ADAMTS19: variants seen among roughly 807,000 people sequenced by gnomAD.
ADAMTS19 encodes A disintegrin and metalloproteinase with thrombospondin motifs 19.
Under a neutral mutation model 153.3 loss-of-function variants are expected in ADAMTS19, and 93 were observed. That is an observed-to-expected ratio of 0.61 (90% CI 0.51 to 0.72). The LOEUF is 0.72. ADAMTS19 is among the 30% of genes least tolerant of loss of function. The probability of loss-of-function intolerance (pLI) is 0.00; values close to 1 mark genes in which losing one functional copy is unlikely to be tolerated. For synonymous variants in ADAMTS19, 600 were observed against 556.6 expected, an observed-to-expected ratio of 1.08 and a Z score of -1.10; for missense variants, 1,482 against 1,552.1, an observed-to-expected ratio of 0.95 and a Z score of 0.76.
At chr5:129,662,492 T>A (rs2127075322) in intron 15 of ADAMTS19, among the ~76,000 whole-genome samples, 1 of 152,316 alleles carries the variant, frequency 6.6e-6, no homozygotes, top group African/African-American at 2.4e-5. Context: ...CTTTAAGCCA[T>A]CCCAACTCAA....
intron 10 of ADAMTS19, among the ~76,000 whole-genome samples, chr5:129,632,426 T>G (rs183138171): frequency 1.1e-3 from 170 of 152,124 alleles, no homozygotes; most frequent in African/African-American, 3.8e-3. Context: ...ACATTTTACT[T>G]AATATACATT....
rs1350869095 is a variant in ADAMTS19 at position 129,608,858 on chromosome 5, A to AG, written c.1479-11760_1479-11759insG. ...CAAGACTCTGTCTCAAAAAAAAAAG[A>AG]AAAAAAAAAAGAGAAGAAAAGAACT... On this transcript the variant is annotated intron_variant, in intron 8 of 22. Coordinates refer to ENST00000274487, the MANE Select transcript of ADAMTS19 (RefSeq NM_133638.6). Among the ~76,000 whole-genome samples the AG allele has an allele frequency of 1.7e-4, 25 of 144,054 alleles. 1 individual carries two copies. Among genetic ancestry groups the AG allele is most frequent in the Admixed American group, 8.2e-4 (12 of 14,596 alleles). 94.5% of individuals were successfully genotyped at this position (144,054 alleles called of 152,430 possible).
chr5:129,484,541 A>G (rs909411374), intron 2 of ADAMTS19, among the ~76,000 whole-genome samples: 4 of 152,212 alleles, frequency 2.6e-5, no homozygotes, highest in African/African-American at 9.6e-5. Flanking sequence ...TGCCTTTTAA[A>G]ATTCAAATCA....
At chr5:129,575,164 C>A (rs997508885) in intron 7 of ADAMTS19, among the ~76,000 whole-genome samples, 1 of 151,882 alleles carries the variant, frequency 6.6e-6, no homozygotes, top group African/African-American at 2.4e-5. Context: ...TGAAGAATAA[C>A]AAAATGATTA....
intron 7 of ADAMTS19, among the ~76,000 whole-genome samples, chr5:129,570,174 CCT>C (rs1753847689): frequency 6.6e-6 from 1 of 151,786 alleles, no homozygotes; most frequent in East Asian, 1.9e-4. Context: ...AAATTTCAAA[CCT>C]CTAGCAAGTA....
chr5:129,621,237 G>A (rs1290743114), intron 9 of ADAMTS19, among the ~76,000 whole-genome samples: 1 of 152,048 alleles, frequency 6.6e-6, no homozygotes, highest in Non-Finnish European at 1.5e-5. Flanking sequence ...GTAACACTTA[G>A]CTTCTGTCTT....
intron 18 of ADAMTS19, among the ~76,000 whole-genome samples, chr5:129,685,699 C>T (rs1013983668): frequency 9.2e-5 from 14 of 152,002 alleles, no homozygotes; most frequent in African/African-American, 3.1e-4. Context: ...AGAAAACAAA[C>T]GTGGCAGGGG....
chr5:129,718,528 C>G (rs1756831625), intron 21 of ADAMTS19, among the ~76,000 whole-genome samples: 1 of 152,192 alleles, frequency 6.6e-6, no homozygotes, highest in Non-Finnish European at 1.5e-5. Context: ...AAAAACAAAC[C>G]TAACTTTTGT....
intron 18 of ADAMTS19, among the ~76,000 whole-genome samples, chr5:129,690,988 T>A (rs1755307372): frequency 6.6e-6 from 1 of 152,088 alleles, no homozygotes; most frequent in South Asian, 2.1e-4. Flanking sequence ...ACCAAGAATA[T>A]GTTTCAGCAT....
chr5:129,684,608 T>G (rs1754990540), intron 18 of ADAMTS19, among the ~76,000 whole-genome samples: 1 of 152,230 alleles, frequency 6.6e-6, no homozygotes. Context: ...GTACTATTTA[T>G]GCACTGTGTT....
intron 6 of ADAMTS19, among the ~76,000 whole-genome samples, chr5:129,543,567 C>T (rs1367360016): frequency 6.6e-6 from 1 of 152,124 alleles, no homozygotes; most frequent in African/African-American, 2.4e-5. Context: ...GTGAGCTTTA[C>T]AGTGGGCAGC....
chr5:129,483,825 C>CA (rs960580927), intron 2 of ADAMTS19, among the ~76,000 whole-genome samples: 1 of 152,082 alleles, frequency 6.6e-6, no homozygotes, highest in African/African-American at 2.4e-5. Flanking sequence ...TCATAATATA[C>CA]AACTAATTAC....
chr5:129,503,259 G>C (rs866021198), intron 2 of ADAMTS19, among the ~76,000 whole-genome samples: 17 of 152,182 alleles, frequency 1.1e-4, no homozygotes, highest in Middle Eastern at 3.4e-3. Context: ...AACATTGAAA[G>C]GATCATCAGG....
chr5:129,579,537 A>G (rs552729963), intron 7 of ADAMTS19, among the ~76,000 whole-genome samples: 2 of 151,960 alleles, frequency 1.3e-5, no homozygotes, highest in Non-Finnish European at 2.9e-5. Flanking sequence ...GAATGGTATT[A>G]CCTAGGTTTT....
At chr5:129,540,774 G>T (rs760514347) in intron 6 of ADAMTS19, among the ~76,000 whole-genome samples, 1 of 151,894 alleles carries the variant, frequency 6.6e-6, no homozygotes, top group Non-Finnish European at 1.5e-5. Flanking sequence ...GAAATTAAAG[G>T]CTACATTTCA....
At chr5:129,567,773 A>G (rs1250580751) in intron 7 of ADAMTS19, among the ~76,000 whole-genome samples, 4 of 152,012 alleles carry the variant, frequency 2.6e-5, no homozygotes, top group Non-Finnish European at 4.4e-5. Context: ...ATGACTGAAG[A>G]CTTCTCACAT....
At position 129,578,039 on chromosome 5, in the gene ADAMTS19, CAT is replaced by C. The variant is rs201346952; in HGVS notation, c.1373-18518_1373-18517del. On this transcript the variant is annotated intron_variant, in intron 7 of 22. Transcript: ENST00000274487. ...AGGAATTTATTGATTTTCAAACTTA[CAT>C]ACACACACACACACACACACACACA... 2.3e-3 allele frequency among the ~76,000 whole-genome samples: 249 copies of C among 107,054 alleles called. 3 individuals carry two copies. Among genetic ancestry groups the C allele is most frequent in the African/African-American group, 0.011 (223 of 19,488 alleles). 70.2% of individuals were successfully genotyped at this position (107,054 alleles called of 152,430 possible). A position where few individuals can be genotyped will look rare whatever the true frequency, so the allele number is the denominator to read the frequency against.
chr5:129,582,596 G>A (rs1050820871), intron 7 of ADAMTS19, among the ~76,000 whole-genome samples: 6 of 151,672 alleles, frequency 4.0e-5, no homozygotes, highest in East Asian at 1.9e-4. Context: ...TTTTTGAGAC[G>A]GAGTCTCACT....
At position 129,478,780 on chromosome 5, in the gene ADAMTS19, G is replaced by A. The variant is rs77973740; in HGVS notation, c.747+17023G>A. On this transcript the variant is annotated intron_variant, in intron 2 of 22. Coordinates refer to ENST00000274487, the MANE Select transcript of ADAMTS19 (RefSeq NM_133638.6). ...GTTGGTATTGAACTGCTGAGCTCAA[G>A]TGATCCTCCTTATCATCTCCCAGAG... is the stretch of plus-strand genomic sequence containing the variant. Among the ~76,000 whole-genome samples, 698 of 152,174 alleles carry A rather than the reference G, an allele frequency of 4.6e-3. 7 individuals are homozygous for A. The highest frequency in any genetic ancestry group is 0.016 in the African/African-American group (651 of 41,518).
Sources: gnomAD v4.1 joint callset for allele counts (sites outside exome capture counted in the v4.1 genomes callset) on GRCh38, gnomAD v4.1.1 for gene constraint, MANE v1.5 for transcripts, NCBI Gene and HGNC (gene_info 2026-07-23, HGNC 2026-07-21) for gene names.